Variants in CNBD1 observed in about 807,000 individuals in gnomAD.
CNBD1 encodes cyclic nucleotide-binding domain-containing protein 1.
A neutral mutation model predicts 54.4 loss-of-function variants in CNBD1; 71 were observed. That is an observed-to-expected ratio of 1.30 (90% CI 1.08 to 1.59). The LOEUF is 1.59. Among genes scored for constraint, CNBD1 ranks in the 40% most tolerant of loss-of-function variants. The probability of loss-of-function intolerance (pLI) is 0.00; values close to 1 mark genes in which losing one functional copy is unlikely to be tolerated. For missense variants in CNBD1, 659 were observed against 518.0 expected, an observed-to-expected ratio of 1.27 and a Z score of -2.64; for synonymous variants, 182 against 170.7, an observed-to-expected ratio of 1.07 and a Z score of -0.51.
intron 2 of CNBD1, among the ~76,000 whole-genome samples, chr8:87,389,486 G>T (rs1042511561): frequency 6.6e-6 from 1 of 152,116 alleles, no homozygotes; most frequent in Non-Finnish European, 1.5e-5. Context: ...AATCATGAGT[G>T]AACTCCCATT....
chr8:87,040,032 T>G (rs1277515862), intron 4 of CNBD1, among the ~76,000 whole-genome samples: 1 of 151,960 alleles, frequency 6.6e-6, no homozygotes, highest in Non-Finnish European at 1.5e-5. Context: ...ACACTGATCT[T>G]TGGTTCCAAA....
At chr8:87,161,807 C>G (rs1320464046) in intron 4 of CNBD1, among the ~76,000 whole-genome samples, 1 of 152,082 alleles carries the variant, frequency 6.6e-6, no homozygotes, top group African/African-American at 2.4e-5. Context: ...AAAATAATGT[C>G]ATATTGTTAA....
At chr8:87,288,314 G>C (rs779700527) in intron 8 of CNBD1, among the ~76,000 whole-genome samples, 17 of 151,826 alleles carry the variant, frequency 1.1e-4, no homozygotes, top group African/African-American at 1.9e-4. Flanking sequence ...TCATGGTTTT[G>C]TCACAGGTTT....
At chr8:86,911,425 G>A (rs772876394) in intron 3 of CNBD1, among the ~76,000 whole-genome samples, 5 of 152,122 alleles carry the variant, frequency 3.3e-5, no homozygotes, top group Non-Finnish European at 7.4e-5. Context: ...AAGAATTATG[G>A]AAACCTTTGT....
intron 4 of CNBD1, among the ~76,000 whole-genome samples, chr8:87,024,756 T>A (rs1032629315): frequency 1.3e-5 from 2 of 152,224 alleles, no homozygotes; most frequent in Admixed American, 1.3e-4. Context: ...TTTAAAGACT[T>A]CTTCTCCTAG....
At chr8:87,104,275 G>A (rs1811488910) in intron 4 of CNBD1, among the ~76,000 whole-genome samples, 1 of 152,214 alleles carries the variant, frequency 6.6e-6, no homozygotes, top group Non-Finnish European at 1.5e-5. Context: ...ATATTTGGAA[G>A]TTGCTATCTG....
chr8:87,225,365 A>G (rs544462462), intron 5 of CNBD1, among the ~76,000 whole-genome samples: 1,667 of 151,992 alleles, frequency 0.011, 38 homozygotes, highest in African/African-American at 0.038. Flanking sequence ...ATTCAGTATG[A>G]TATTGGCTGT....
intron 8 of CNBD1, among the ~76,000 whole-genome samples, chr8:87,337,479 G>C (rs10100661): frequency 0.011 from 1,659 of 152,296 alleles, 40 homozygotes; most frequent in African/African-American, 0.037. Flanking sequence ...AGATGGCTTA[G>C]ACTGCAGGCA....
chr8:87,042,769 G>T (rs1810099907), intron 4 of CNBD1, among the ~76,000 whole-genome samples: 1 of 151,930 alleles, frequency 6.6e-6, no homozygotes. Flanking sequence ...CAATAAACAT[G>T]TAAATATATA....
chr8:87,286,889 C>G (rs892582105), intron 8 of CNBD1, among the ~76,000 whole-genome samples: 3 of 152,054 alleles, frequency 2.0e-5, no homozygotes, highest in African/African-American at 7.2e-5. Context: ...ACTAACCTTA[C>G]TTTTAACATC....
At chr8:87,125,452 A>G (rs998413856) in intron 4 of CNBD1, among the ~76,000 whole-genome samples, 17 of 151,854 alleles carry the variant, frequency 1.1e-4, no homozygotes, top group African/African-American at 4.1e-4. Context: ...ATAAAACAGT[A>G]TCCAAAACCC....
At chr8:86,941,145 A>G (rs747553788) in intron 4 of CNBD1, among the ~76,000 whole-genome samples, 4 of 152,170 alleles carry the variant, frequency 2.6e-5, no homozygotes, top group Non-Finnish European at 5.9e-5. Flanking sequence ...TTATACTCTT[A>G]ACTTATAATA....
chr8:87,042,252 G>A lies in CNBD1; in HGVS notation c.431+102498G>A, dbSNP rs78442008. Among the ~76,000 whole-genome samples the A allele has an allele frequency of 6.9e-3, 1,046 of 152,244 alleles. 18 individuals carry two copies. The highest frequency in any genetic ancestry group is 0.024 in the African/African-American group (982 of 41,540). On this transcript the variant is annotated intron_variant, in intron 4 of 10. Coordinates refer to ENST00000518476, the MANE Select transcript of CNBD1 (RefSeq NM_173538.3). ...TTTGTCTATTAAATATATCCCAGTG[G>A]AGAAATTGCTTTGACCATGGAATAT...
At chr8:87,284,303 T>A (rs528203690) in intron 6 of CNBD1, among the ~76,000 whole-genome samples, 2 of 152,256 alleles carry the variant, frequency 1.3e-5, no homozygotes, top group East Asian at 3.9e-4. Context: ...ATTTTTGTTA[T>A]TACTGAATAC....
At chr8:86,973,525 A>C (rs550673045) in intron 4 of CNBD1, among the ~76,000 whole-genome samples, 1 of 152,356 alleles carries the variant, frequency 6.6e-6, no homozygotes, top group African/African-American at 2.4e-5. Flanking sequence ...AAATGTTTAC[A>C]TAATAAATGA....
intron 4 of CNBD1, among the ~76,000 whole-genome samples, chr8:87,018,336 AAACTT>A (rs1809411034): frequency 6.6e-6 from 1 of 152,224 alleles, no homozygotes. Flanking sequence ...AATAAGCCTA[AAACTT>A]ACCTTGCACA....
At chr8:87,422,436 G>A in intron 2 of CNBD1, among the ~76,000 whole-genome samples, 1 of 149,952 alleles carries the variant, frequency 6.7e-6, no homozygotes, top group Admixed American at 6.6e-5. Flanking sequence ...AATCCATCTT[G>A]AATTGATTTT....
intron 4 of CNBD1, among the ~76,000 whole-genome samples, chr8:87,040,169 T>C (rs2943177): frequency 0.86 from 131,490 of 152,194 alleles, 57,269 homozygotes; most frequent in African/African-American, 0.97. Context: ...ACAGTCTAGT[T>C]CCCAGGAGGA....
chr8:87,415,895 C>G (rs1022771541), intron 2 of CNBD1, among the ~76,000 whole-genome samples: 35 of 151,682 alleles, frequency 2.3e-4, no homozygotes, highest in African/African-American at 8.2e-4. Context: ...AGAATCAAAA[C>G]AAATTTCAAC....
Sources: allele counts gnomAD v4.1 joint callset (sites outside exome capture counted in the v4.1 genomes callset), GRCh38; gene constraint gnomAD v4.1.1; transcripts MANE v1.5; gene names NCBI Gene and HGNC (gene_info 2026-07-23, HGNC 2026-07-21).